The following NOX4 variants were observed in gnomAD, a reference collection of about 807,000 sequenced individuals.
NOX4 encodes the protein NADPH oxidase 4.
Under a neutral mutation model 87.6 loss-of-function variants are expected in NOX4, and 69 were observed. That is an observed-to-expected ratio of 0.79 (90% CI 0.65 to 0.96). The LOEUF is 0.96. Among genes scored for constraint, NOX4 ranks in the 40% least tolerant of loss-of-function variants. The pLI is 0.00. For synonymous variants in NOX4, 275 were observed against 238.2 expected (o/e 1.15, Z -1.42); for missense variants, 680 against 681.5 (o/e 1.00, Z 0.02).
At chr11:89,546,741 C>A in the NOX4 span, 1 of 152,228 alleles carries the variant, frequency 6.6e-6, no homozygotes, top group African/African-American at 2.4e-5. Flanking sequence ...AAAGCATGCA[C>A]ATGAGAGAGG....
the NOX4 span, among the ~76,000 whole-genome samples, chr11:89,535,055 T>C: frequency 6.6e-6 from 1 of 152,222 alleles, no homozygotes; most frequent in Non-Finnish European, 1.5e-5. Flanking sequence ...TTAATCTGTC[T>C]CCGCAATCTG....
intron 2 of NOX4, among the ~76,000 whole-genome samples, chr11:89,481,095 T>A (rs1591359333): frequency 6.6e-6 from 1 of 152,058 alleles, no homozygotes; most frequent in East Asian, 1.9e-4. Context: ...TACAACCTCA[T>A]CATCAAACAG....
chr11:89,570,140 T>C, the NOX4 span, among the ~76,000 whole-genome samples: 1 of 152,184 alleles, frequency 6.6e-6, no homozygotes, highest in East Asian at 1.9e-4. Context: ...AAAGGAAATG[T>C]GGTAGACATG....
intron 2 of NOX4, among the ~76,000 whole-genome samples, chr11:89,474,764 T>C (rs1946094021): frequency 6.6e-6 from 1 of 151,982 alleles, no homozygotes; most frequent in South Asian, 2.1e-4. Context: ...ATCATCAGTG[T>C]TTAATATACA....
chr11:89,487,109 G>A (rs763352129), intron 2 of NOX4, among the ~76,000 whole-genome samples: 26 of 152,084 alleles, frequency 1.7e-4, no homozygotes, highest in Non-Finnish European at 3.2e-4. Context: ...CAGTGAAGTC[G>A]TTTAGAAAAG....
chr11:89,508,357 A>T, the NOX4 span, among the ~76,000 whole-genome samples: 1 of 152,080 alleles, frequency 6.6e-6, no homozygotes, highest in Non-Finnish European at 1.5e-5. Context: ...CCAGGTCACA[A>T]GTGTACTTTT....
intron 9 of NOX4, among the ~76,000 whole-genome samples, chr11:89,401,834 T>A (rs1941871421): frequency 6.6e-6 from 1 of 152,150 alleles, no homozygotes; most frequent in Admixed American, 6.6e-5. Flanking sequence ...ATTCTGTATG[T>A]CTAATAAGTG....
intron 8 of NOX4, among the ~76,000 whole-genome samples, chr11:89,419,839 A>T (rs1340506672): frequency 6.6e-6 from 1 of 152,036 alleles, no homozygotes; most frequent in East Asian, 1.9e-4. Flanking sequence ...TTAACAAAAA[A>T]TTGACACTAT....
rs1565158757 is a variant in NOX4, at chr11:89,325,115, C to CCTTTTTTT, written c.*1640_*1641insAAAAAAAG. 1.3e-5 allele frequency: 1 copy of CCTTTTTTT among 76,332 alleles called. No individual in the cohort carries two copies. 4.7% of individuals were successfully genotyped at this position (76,332 alleles called of 1,614,324 possible). Reference sequence around the variant, plus strand: ...ACTAAACTGTATGAATGCTTTAATTCTTTTTTTTTTTTTTTTTTTTTTTTT... The same window carrying CCTTTTTTT: ...ACTAAACTGTATGAATGCTTTAATTCCTTTTTTTTTTTTTTTTTTTTTTTTTTTTTTTT... On this transcript the variant is annotated 3_prime_UTR_variant, in exon 18 of 18. Coordinates refer to ENST00000263317, the MANE Select transcript of NOX4 (RefSeq NM_016931.5).
chr11:89,524,354 T>A, the NOX4 span, among the ~76,000 whole-genome samples: 1 of 152,156 alleles, frequency 6.6e-6, no homozygotes, highest in Non-Finnish European at 1.5e-5. Context: ...TAAAATAATG[T>A]AAGGAAAAAG....
chr11:89,543,526 C>G, the NOX4 span, among the ~76,000 whole-genome samples: 1 of 151,904 alleles, frequency 6.6e-6, no homozygotes, highest in Admixed American at 6.6e-5. Flanking sequence ...AACAAAAAAG[C>G]AATATATATT....
chr11:89,328,355 C>T (rs1349395717), intron 17 of NOX4, among the ~76,000 whole-genome samples: 3 of 152,088 alleles, frequency 2.0e-5, no homozygotes, highest in African/African-American at 7.2e-5. Context: ...CCTATAAATA[C>T]AGGGCAATGG....
chr11:89,589,406 A>G, the NOX4 span: 1 of 152,244 alleles, frequency 6.6e-6, no homozygotes, highest in Non-Finnish European at 1.5e-5. Flanking sequence ...AGCCCTATGT[A>G]ATACTAAGAC....
intron 2 of NOX4, among the ~76,000 whole-genome samples, 153 bp from the exon 3 acceptor site, chr11:89,452,048 C>G (rs1375552348): frequency 1.3e-5 from 2 of 152,186 alleles, no homozygotes; most frequent in Non-Finnish European, 2.9e-5. Context: ...CCCTTTTCCT[C>G]TCACTAAAAC....
intron 9 of NOX4, among the ~76,000 whole-genome samples, chr11:89,400,908 C>A (rs1941811342): frequency 6.6e-6 from 1 of 151,284 alleles, no homozygotes; most frequent in Admixed American, 6.6e-5. Context: ...ATATGCTAGG[C>A]ATGTTGTTTA....
intron 2 of NOX4, chr11:89,488,891 T>C: frequency 4.6e-6 from 3 of 651,218 alleles, no homozygotes; most frequent in East Asian, 2.7e-5. Context: ...ATTATAATTA[T>C]TTATTTGTTG....
At chr11:89,426,074 T>C (rs964494434) in intron 7 of NOX4, among the ~76,000 whole-genome samples, 2 of 152,200 alleles carry the variant, frequency 1.3e-5, no homozygotes, top group Admixed American at 6.5e-5. Context: ...AATGTGTATC[T>C]GATTTTGCTC....
the NOX4 span, among the ~76,000 whole-genome samples, chr11:89,505,834 T>C: frequency 5.3e-5 from 8 of 151,844 alleles, no homozygotes; most frequent in Admixed American, 5.3e-4. Context: ...GCCAGAAATA[T>C]ATTTAGTCTT....
At chr11:89,405,911 C>A (rs1455795951) in intron 8 of NOX4, among the ~76,000 whole-genome samples, 1 of 152,006 alleles carries the variant, frequency 6.6e-6, no homozygotes, top group Non-Finnish European at 1.5e-5. Flanking sequence ...CAGGCCTATT[C>A]CCCTTGCAAA....
Sources: allele counts gnomAD v4.1 joint callset (sites outside exome capture counted in the v4.1 genomes callset), GRCh38; gene constraint gnomAD v4.1.1; transcripts MANE v1.5; gene names NCBI Gene and HGNC (gene_info 2026-07-23, HGNC 2026-07-21).